The following PATJ variants were observed in gnomAD, a reference collection of about 807,000 sequenced individuals.
PATJ encodes the protein inaD-like protein.
In PATJ, 190 loss-of-function variants were observed where a neutral mutation model predicts 224.9. That is an observed-to-expected ratio of 0.84 (90% confidence interval 0.75 to 0.95). The LOEUF is 0.95. PATJ is among the 40% of genes least tolerant of loss of function. The probability of loss-of-function intolerance (pLI) is 0.00; values close to 1 mark genes in which losing one functional copy is unlikely to be tolerated. For missense variants in PATJ, 2,121 were observed against 2,270.3 expected (o/e 0.93, Z 1.34); for synonymous variants, 769 against 820.3 (o/e 0.94, Z 1.07).
At chr1:62,043,830 T>C (rs1272443822) in intron 30 of PATJ, among the ~76,000 whole-genome samples, 1 of 151,998 alleles carries the variant, frequency 6.6e-6, no homozygotes, top group African/African-American at 2.4e-5. Flanking sequence ...CAGGCTCAAA[T>C]AATATTCCTG....
chr1:62,008,849 G>A (rs1334371241), intron 28 of PATJ, among the ~76,000 whole-genome samples: 2 of 152,164 alleles, frequency 1.3e-5, no homozygotes, highest in African/African-American at 4.8e-5. Flanking sequence ...TGAAAGAGTT[G>A]TAGATCTTGG....
intron 33 of PATJ, among the ~76,000 whole-genome samples, chr1:62,095,280 T>A (rs1661266296): frequency 6.6e-6 from 1 of 152,222 alleles, no homozygotes; most frequent in Admixed American, 6.5e-5. Flanking sequence ...CTGCCTCAGG[T>A]CCTGCATGCT....
intron 20 of PATJ, among the ~76,000 whole-genome samples, chr1:61,873,731 A>G (rs1666970743): frequency 6.6e-6 from 1 of 152,170 alleles, no homozygotes; most frequent in Non-Finnish European, 1.5e-5. Flanking sequence ...CCTCCCCTAC[A>G]AGTGTTTACA....
rs57019359 is a variant in PATJ, at chr1:62,027,628, CTTTTTTTTTTT to C, written c.3959+9694_3959+9704del. On this transcript the variant is annotated intron_variant, in intron 29 of 43. Transcript: ENST00000642238. ...TTTCTTCATAACCTTGCCAACATTC[CTTTTTTTTTTT>C]TTTTTTTTTTTTGGATAGTATCCAT... Among the ~76,000 whole-genome samples, 331 of 109,858 alleles carry C rather than the reference CTTTTTTTTTTT, an allele frequency of 3.0e-3. 3 individuals carry two copies. Among genetic ancestry groups the C allele is most frequent in the African/African-American group, 0.012 (300 of 25,480 alleles). 72.1% of individuals were successfully genotyped at this position (109,858 alleles called of 152,430 possible). A position where few individuals can be genotyped will look rare whatever the true frequency, so the allele number is the denominator to read the frequency against.
intron 21 of PATJ, among the ~76,000 whole-genome samples, chr1:61,883,934 G>A (rs1439813036): frequency 6.6e-6 from 1 of 150,584 alleles, no homozygotes; most frequent in Non-Finnish European, 1.5e-5. Context: ...AAGAGAAAAT[G>A]TGTAGTAAGA....
At chr1:62,084,452 G>A (rs191630549) in intron 32 of PATJ, 63 bp from the exon 33 acceptor site, 3 of 1,541,168 alleles carry the variant, frequency 1.9e-6, no homozygotes, top group African/African-American at 2.8e-5. Context: ...CCCACGTGAT[G>A]GAACGTGCAG....
chr1:62,018,145 G>A lies in PATJ; in HGVS notation c.3959+198G>A, dbSNP rs952936213. ...TTGTCTTATTTGCTTATGTTTCATG[G>A]GATAGAATTGGTAGCTGAGGCTAGT... On this transcript the variant is annotated intron_variant, in intron 29 of 43. Transcript: ENST00000642238. This position sits in a 1 kb window ranked among gnomAD's most constrained non-coding sequence, Gnocchi z 4.2. Among the ~76,000 whole-genome samples, 5 of 152,110 alleles carry A rather than the reference G, an allele frequency of 3.3e-5. No homozygotes were observed. Among genetic ancestry groups the A allele is most frequent in the African/African-American group, 1.2e-4 (5 of 41,420 alleles).
At chr1:61,792,329 A>C (rs1017871890) in intron 9 of PATJ, among the ~76,000 whole-genome samples, 1 of 152,126 alleles carries the variant, frequency 6.6e-6, no homozygotes, top group Non-Finnish European at 1.5e-5. Context: ...CTCAGTGTGG[A>C]TTGTATAATA....
rs1410938138 is a variant in PATJ, at chr1:61,864,310, C to T, written c.2512C>T (p.His838Tyr). 6.2e-7 allele frequency: 1 copy of T among 1,613,834 alleles called. No individual in the cohort carries two copies. The highest frequency in any genetic ancestry group is 8.5e-7 in the Non-Finnish European group (1 of 1,179,742). Residue 838 changes from histidine (H) to tyrosine (Y), a missense_variant, in exon 20 of 44, where the codon CAT becomes TAT. By Grantham distance (83) the His-to-Tyr change is moderately conservative (BLOSUM62 2). Transcript: ENST00000642238. ...ATTTCTAGATCTGGGAAAGTCTTTC[C>T]ATTCCCAACAAAAAGAGATAGAGCA... is the stretch of plus-strand genomic sequence containing the variant. ...EPFLDLGKSF[H>Y]SQQKEIEQSK...
chr1:61,786,570 G>C (rs948482600), intron 7 of PATJ, among the ~76,000 whole-genome samples: 1 of 152,022 alleles, frequency 6.6e-6, no homozygotes, highest in Non-Finnish European at 1.5e-5. Context: ...TACCTCTGTA[G>C]TCTGCATCTC....
intron 27 of PATJ, among the ~76,000 whole-genome samples, chr1:61,988,733 C>T (rs1557999175): frequency 6.6e-6 from 1 of 152,122 alleles, no homozygotes; most frequent in Non-Finnish European, 1.5e-5. Context: ...TGCATAAAGT[C>T]ATTTTTACAA....
intron 29 of PATJ, among the ~76,000 whole-genome samples, chr1:62,022,472 A>G (rs530498129): frequency 6.6e-6 from 1 of 152,248 alleles, no homozygotes; most frequent in Non-Finnish European, 1.5e-5. Flanking sequence ...TATGTACTCT[A>G]CATTCAATTC....
intron 31 of PATJ, among the ~76,000 whole-genome samples, chr1:62,071,489 A>ATTT (rs1657392258): frequency 1.7e-5 from 2 of 116,510 alleles, no homozygotes; most frequent in African/African-American, 3.0e-5. Context: ...TTTGTAGATC[A>ATTT]CTTTTTTTTT....
rs560787067 is a variant in PATJ, at chr1:61,769,388, G to C, written c.490G>C (p.Val164Leu). 2 of 1,614,078 alleles carry C rather than the reference G, an allele frequency of 1.2e-6. No individual in the cohort carries two copies. The highest frequency in any genetic ancestry group is 1.1e-5 in the South Asian group (1 of 91,084). ...AAATCTCGGAAAAGTTGATATCTTC[G>C]TGAAGGATGTCCAGCCAGGGAGTGT... ...SQNLGKVDIF[V>L]KDVQPGSVAD... Residue 164 changes from valine to leucine, a missense_variant, in exon 5 of 44, where the codon GTG becomes CTG. Val to Leu is a conservative substitution (Grantham distance 32). Transcript: ENST00000642238.
chr1:62,142,921 G>A (rs993043522), intron 41 of PATJ, among the ~76,000 whole-genome samples: 32 of 152,258 alleles, frequency 2.1e-4, no homozygotes, highest in African/African-American at 7.5e-4. Flanking sequence ...AACACTACAA[G>A]GTTTTAAGCA....
intron 28 of PATJ, chr1:62,013,461 G>T (rs1646572385): frequency 1.0e-6 from 1 of 985,378 alleles, no homozygotes; most frequent in Non-Finnish European, 1.2e-6. Flanking sequence ...CACAAGCTAT[G>T]CATGAAAAGC....
intron 41 of PATJ, among the ~76,000 whole-genome samples, chr1:62,141,848 T>TA (rs1667537929): frequency 6.6e-6 from 1 of 151,880 alleles, no homozygotes; most frequent in African/African-American, 2.4e-5. Context: ...CACACACCTG[T>TA]AATACCAGCT....
chr1:62,039,660 G>T (rs1340501343), intron 30 of PATJ, among the ~76,000 whole-genome samples: 1 of 152,202 alleles, frequency 6.6e-6, no homozygotes, highest in East Asian at 1.9e-4. Context: ...TCAAGAAGGG[G>T]GTCTGGTATA....
chr1:61,856,129 G>A lies in PATJ; in HGVS notation c.2212G>A (p.Val738Ile). Reference protein sequence around the residue: ...SGGLLPGDRLVSVNEYCLDNT... With the variant: ...SGGLLPGDRLISVNEYCLDNT... ...GGGACTATTACCTGGAGACCGCCTG[G>A]TCTCAGTCAATGAATACTGTTTGGA... The change falls in exon 18 of 44, where the codon GTC becomes ATC. Residue 738 changes from valine to isoleucine, a missense_variant. Coordinates refer to ENST00000642238, the MANE Select transcript of PATJ (RefSeq NM_001350145.3). 1 of 1,614,084 alleles carries A rather than the reference G, an allele frequency of 6.2e-7. No homozygotes were observed. The highest frequency in any genetic ancestry group is 2.2e-5 in the East Asian group (1 of 44,880).
Sources: gnomAD v4.1 joint callset for allele counts (sites outside exome capture counted in the v4.1 genomes callset) on GRCh38, gnomAD v4.1.1 for gene constraint, Gnocchi (gnomAD v3.1) non-coding constraint, MANE v1.5 for transcripts, NCBI Gene and HGNC (gene_info 2026-07-23, HGNC 2026-07-21) for gene names.